Variants in SKOR2 observed in about 807,000 individuals in gnomAD.
SKOR2 encodes the protein SKI family transcriptional corepressor 2.
Under a neutral mutation model 69.1 loss-of-function variants are expected in SKOR2, and 47 were observed. The ratio of observed to expected loss-of-function variants is 0.68; its 90% confidence interval spans 0.54 to 0.87. SKOR2 has a LOEUF of 0.87. SKOR2 is among the 40% of genes least tolerant of loss of function. The probability of loss-of-function intolerance (pLI) is 0.00; values close to 1 mark genes in which losing one functional copy is unlikely to be tolerated. For synonymous variants in SKOR2, 717 were observed against 672.6 expected (o/e 1.07, Z -1.02); for missense variants, 1,404 against 1,472.2 (o/e 0.95, Z 0.76).
Position 47,206,738 on chromosome 18 carries a change from A to G in SKOR2, c.*158T>C, listed in dbSNP as rs2064114433. 1 of 151,750 alleles carries G rather than the reference A, an allele frequency of 6.6e-6. No individual in the cohort carries two copies. Among genetic ancestry groups the G allele is most frequent in the Non-Finnish European group, 1.5e-5 (1 of 68,014 alleles). 9.4% of individuals were successfully genotyped at this position (151,750 alleles called of 1,614,324 possible). A position where few individuals can be genotyped will look rare whatever the true frequency, so the allele number is the denominator to read the frequency against. ...TACAGTCTATTTTACATGGTTGTCC[A>G]TGCTGTTTTGAGGTCACTTGTCCTT... is the stretch of plus-strand genomic sequence containing the variant. On this transcript the variant is annotated 3_prime_UTR_variant, in exon 9 of 9. Transcript: ENST00000425639.
Position 47,247,760 on chromosome 18 carries a change from G to T in SKOR2, c.1424C>A (p.Thr475Asn). Residue 475 changes from threonine to asparagine, a missense_variant, in exon 2 of 9, where the codon ACC becomes AAC. Thr to Asn is a moderately conservative substitution (Grantham distance 65, BLOSUM62 0). This residue lies in a region of SKOR2 where 1,266 missense variants were observed against 1,309.9 expected (regional missense o/e 0.97). Transcript: ENST00000425639. This position sits in a 1 kb window ranked among gnomAD's most constrained non-coding sequence, Gnocchi z 6.6. ...GGTGGGCACCGGGAGCCCGCCAGGG[G>T]TCCGCGGCGGCCAGAACATGCAGAA... ...PPFCMFWPPR[T>N]PGGLPVPTYL... 7.2e-7 allele frequency: 1 copy of T among 1,382,098 alleles called. No homozygotes were observed. The highest frequency in any genetic ancestry group is 3.7e-5 in the Admixed American group (1 of 27,266). The allele number at this position is 1,382,098 out of a possible 1,614,324, so 85.6% of individuals were successfully genotyped here.
chr18:47,225,887 G>C (rs2064177084), intron 6 of SKOR2, among the ~76,000 whole-genome samples: 1 of 152,158 alleles, frequency 6.6e-6, no homozygotes. Flanking sequence ...ACACAATTAT[G>C]ACAGGTTTTG....
intron 6 of SKOR2, among the ~76,000 whole-genome samples, chr18:47,225,976 T>C (rs2064177432): frequency 6.6e-6 from 1 of 152,038 alleles, no homozygotes; most frequent in Non-Finnish European, 1.5e-5. Flanking sequence ...TTGTGCCAAA[T>C]CTAGAGTTTT....
Position 47,246,811 on chromosome 18 carries a change from T to C in SKOR2, c.2373A>G (p.Arg791=). The C allele has an allele frequency of 7.0e-7, 1 of 1,426,966 alleles. No homozygotes were observed. Among genetic ancestry groups the C allele is most frequent in the Non-Finnish European group, 9.1e-7 (1 of 1,099,468 alleles). The allele number at this position is 1,426,966 out of a possible 1,614,324, so 88.4% of individuals were successfully genotyped here. The stretch of plus-strand genomic sequence containing the variant: ...GGCTGCTCCCCTTCTCCGACGGCCC[T>C]CGGCCCTGGAGGAACCGGCCGCCCC... ...LVGGGRFLQG[R]GPSEKGSSRD... Residue 791 remains arginine, a synonymous_variant, in exon 2 of 9, where the codon CGA becomes CGG. Coordinates refer to ENST00000425639, the MANE Select transcript of SKOR2 (RefSeq NM_001278063.4).
At chr18:47,236,372 G>C (rs2064223654) in intron 4 of SKOR2, among the ~76,000 whole-genome samples, 1 of 152,106 alleles carries the variant, frequency 6.6e-6, no homozygotes, top group African/African-American at 2.4e-5. Flanking sequence ...TCTGTCCTAA[G>C]GTGCCCTCTC....
intron 4 of SKOR2, among the ~76,000 whole-genome samples, chr18:47,237,452 T>G (rs2064228901): frequency 6.6e-6 from 1 of 152,218 alleles, no homozygotes; most frequent in South Asian, 2.1e-4. Flanking sequence ...TCAGGTGACC[T>G]GTTCCGTTGG....
At chr18:47,231,843 C>CAAAAAAA (rs11342275) in intron 4 of SKOR2, among the ~76,000 whole-genome samples, 1 of 130,902 alleles carries the variant, frequency 7.6e-6, no homozygotes. Flanking sequence ...AACTCCATCT[C>CAAAAAAA]AAAAAAAAAA....
chr18:47,224,056 C>T (rs1178157975), intron 6 of SKOR2, among the ~76,000 whole-genome samples: 2 of 152,004 alleles, frequency 1.3e-5, no homozygotes, highest in African/African-American at 4.8e-5. Flanking sequence ...CAGGCATGCA[C>T]CACCATGCCT....
At position 47,209,718 on chromosome 18, in the gene SKOR2, A is replaced by T. The variant is rs370626116; in HGVS notation, c.*3+2368T>A. 3.3e-5 allele frequency among the ~76,000 whole-genome samples: 5 copies of T among 152,190 alleles called. No homozygotes were observed. In the East Asian group the frequency reaches 5.8e-4, roughly 18 times the overall value. On this transcript the variant is annotated intron_variant, in intron 8 of 8. Transcript: ENST00000425639. ...GTGAGTCTTAATTTGTAGGTGCAAA[A>T]TGGGCTCAGGTCTGACAAACAGGGA...
chr18:47,232,002 T>C (rs934606771), intron 4 of SKOR2, among the ~76,000 whole-genome samples: 1 of 151,888 alleles, frequency 6.6e-6, no homozygotes, highest in Non-Finnish European at 1.5e-5. Flanking sequence ...TAGCTGAATG[T>C]GGTGATGTGC....
At chr18:47,239,369 G>A (rs2064238995) in intron 4 of SKOR2, among the ~76,000 whole-genome samples, 1 of 151,930 alleles carries the variant, frequency 6.6e-6, no homozygotes, top group African/African-American at 2.4e-5. Flanking sequence ...AATATCACTG[G>A]AAAGCATATG....
chr18:47,250,597 C>T (rs2064308105), intron 1 of SKOR2, among the ~76,000 whole-genome samples: 1 of 152,196 alleles, frequency 6.6e-6, no homozygotes, highest in Non-Finnish European at 1.5e-5. Context: ...CGATCTTACT[C>T]CCTCACCCAA....
At chr18:47,239,907 C>T (rs570076745) in intron 4 of SKOR2, among the ~76,000 whole-genome samples, 1 of 152,178 alleles carries the variant, frequency 6.6e-6, no homozygotes, top group African/African-American at 2.4e-5. Flanking sequence ...TACCTAATGT[C>T]ACCTAGTGAG....
chr18:47,248,679 C>A lies in SKOR2; in HGVS notation c.505G>T (p.Ala169Ser). ...CAGTAGCTGCATTTGATGCACTTGGCGCGCGAGCTGTTGTAGCGCGCGGGA... is the reference window on the plus strand; with the variant it reads ...CAGTAGCTGCATTTGATGCACTTGGAGCGCGAGCTGTTGTAGCGCGCGGGA... ...FIPARYNSSR[A>S]KCIKCSYCNM... The change falls in exon 2 of 9, where the codon GCC (alanine) becomes TCC (serine). Residue 169 changes from alanine to serine, a missense_variant. By Grantham distance (99) the Ala-to-Ser change is moderately conservative (BLOSUM62 1). Coordinates refer to ENST00000425639, the MANE Select transcript of SKOR2 (RefSeq NM_001278063.4). The surrounding 1 kb of genome is among the most constrained non-coding windows in gnomAD (Gnocchi z 6.4). 2 of 1,566,066 alleles carry A rather than the reference C, an allele frequency of 1.3e-6. No individual in the cohort carries two copies. Among genetic ancestry groups the A allele is most frequent in the Non-Finnish European group, 8.6e-7 (1 of 1,161,848 alleles).
chr18:47,238,144 G>A (rs562231639), intron 4 of SKOR2, among the ~76,000 whole-genome samples: 2 of 152,006 alleles, frequency 1.3e-5, no homozygotes, highest in South Asian at 4.1e-4. Flanking sequence ...TGTCCTCCCA[G>A]TACTATTGTT....
chr18:47,245,478 A>ATTTTGTTTTTTTTTTT lies in SKOR2; in HGVS notation c.2677+19_2677+20insAAAAAAAAAAACAAAA. 1 of 1,194,644 alleles carries ATTTTGTTTTTTTTTTT rather than the reference A, an allele frequency of 8.4e-7. No homozygotes were observed. The highest frequency in any genetic ancestry group is 3.8e-5 in the Admixed American group (1 of 25,976). The allele number at this position is 1,194,644 out of a possible 1,614,324, so 74.0% of individuals were successfully genotyped here. On this transcript the variant is annotated intron_variant, in intron 3 of 8. Transcript: ENST00000425639. Reference sequence around the variant, plus strand: ...ATGCAGGCAAGAAAAGTGGCAGCTGATTTTTTTTTTTTTTTTTACCTGAAA... The same window carrying ATTTTGTTTTTTTTTTT: ...ATGCAGGCAAGAAAAGTGGCAGCTGATTTTGTTTTTTTTTTTTTTTTTTTTTTTTTTTTACCTGAAA...
chr18:47,220,952 CCT>C (rs2064159359), intron 6 of SKOR2, among the ~76,000 whole-genome samples: 1 of 152,084 alleles, frequency 6.6e-6, no homozygotes, highest in African/African-American at 2.4e-5. Flanking sequence ...CATATTCTCC[CCT>C]CTTTGCCATT....
Position 47,248,266 on chromosome 18 carries a change from G to C in SKOR2, c.918C>G (p.His306Gln). 1 of 1,219,494 alleles carries C rather than the reference G, an allele frequency of 8.2e-7. No individual in the cohort carries two copies. Among genetic ancestry groups the C allele is most frequent in the Non-Finnish European group, 1.0e-6 (1 of 982,108 alleles). 75.5% of individuals were successfully genotyped at this position (1,219,494 alleles called of 1,614,324 possible). Reference protein sequence around the residue: ...AELAGAPHAHHKRPRFDDDDD... With the variant: ...AELAGAPHAHQKRPRFDDDDD... ...CGTCGTCGTCGAAGCGCGGCCGCTTGTGATGGGCGTGCGGGGCACCAGCCA... is the reference window on the plus strand; with the variant it reads ...CGTCGTCGTCGAAGCGCGGCCGCTTCTGATGGGCGTGCGGGGCACCAGCCA... The change falls in exon 2 of 9, where the codon CAC (histidine) becomes CAG (glutamine). Residue 306 changes from histidine (H) to glutamine (Q), a missense_variant. This residue lies in a region of SKOR2 where 1,266 missense variants were observed against 1,309.9 expected (regional missense o/e 0.97). Transcript: ENST00000425639. This position sits in a 1 kb window ranked among gnomAD's most constrained non-coding sequence, Gnocchi z 6.4.
At chr18:47,220,368 C>G (rs2247777) in intron 6 of SKOR2, among the ~76,000 whole-genome samples, 81,991 of 151,916 alleles carry the variant, frequency 0.54, 22,232 homozygotes, top group Middle Eastern at 0.61. Context: ...CAGCAAGAGT[C>G]AGTAGGGCAG....
Sources: gnomAD v4.1 joint callset for allele counts (sites outside exome capture counted in the v4.1 genomes callset) on GRCh38, gnomAD v4.1.1 for gene constraint, gnomAD v4.1.1 regional missense constraint, Gnocchi (gnomAD v3.1) non-coding constraint, MANE v1.5 for transcripts, NCBI Gene and HGNC (gene_info 2026-07-23, HGNC 2026-07-21) for gene names.